Variants in SH3BGRL observed in about 807,000 individuals in gnomAD.
SH3BGRL encodes the protein SH3 domain binding glutamate rich protein like.
Under a neutral mutation model 9.8 loss-of-function variants are expected in SH3BGRL, and 7 were observed. That is an observed-to-expected ratio of 0.72 (90% CI 0.41 to 1.35). SH3BGRL has a LOEUF of 1.35. Ranked by LOEUF, SH3BGRL falls within the 40% of genes most tolerant of loss-of-function variation. The pLI, the probability that SH3BGRL is intolerant of heterozygous loss-of-function variation, is 0.01. For missense variants in SH3BGRL, 73 were observed against 84.4 expected (o/e 0.86, Z 0.53); for synonymous variants, 36 against 29.1 (o/e 1.24, Z -0.76).
rs369813582 is a variant in SH3BGRL at position 81,202,161 on chromosome X, C to A, written c.-40C>A. On this transcript the variant is annotated 5_prime_UTR_variant, in exon 1 of 4. Transcript: ENST00000373212. ...GCCATTGCTGCAGCTGCTCCACAGCCCTTTTCAGGACCCAAACAACCGCAG... is the reference window on the plus strand; with the variant it reads ...GCCATTGCTGCAGCTGCTCCACAGCACTTTTCAGGACCCAAACAACCGCAG... 68 of 1,186,950 alleles carry A rather than the reference C, an allele frequency of 5.7e-5. No homozygotes were observed. The highest frequency in any genetic ancestry group is 2.4e-4 in the Admixed American group (11 of 45,496).
chrX:81,256,450 A>G (rs929432562), intron 1 of SH3BGRL, among the ~76,000 whole-genome samples: 1 of 111,900 alleles, frequency 8.9e-6, no homozygotes, highest in Non-Finnish European at 1.9e-5. Context: ...TTATCAAGAT[A>G]TAATTTCTTA....
At chrX:81,235,462 C>G (rs2075645121) in intron 1 of SH3BGRL, among the ~76,000 whole-genome samples, 1 of 109,915 alleles carries the variant, frequency 9.1e-6, no homozygotes, top group South Asian at 3.9e-4. Context: ...CCTCAGTTGA[C>G]AAAAGTAGAA....
At chrX:81,222,654 G>A (rs1345247042) in intron 1 of SH3BGRL, among the ~76,000 whole-genome samples, 2 of 111,090 alleles carry the variant, frequency 1.8e-5, no homozygotes, top group African/African-American at 6.6e-5. Flanking sequence ...TGTCTTTATA[G>A]CAGCATATTT....
At position 81,292,896 on chromosome X, in the gene SH3BGRL, A is replaced by G. The variant is rs530768973; in HGVS notation, c.313-4299A>G. Among the ~76,000 whole-genome samples, 22 of 111,721 alleles carry G rather than the reference A, an allele frequency of 2.0e-4. No individual in the cohort carries two copies. The South Asian group carries it at 8.5e-3, about 43-fold the overall frequency. On this transcript the variant is annotated intron_variant, in intron 3 of 3. Coordinates refer to ENST00000373212, the MANE Select transcript of SH3BGRL (RefSeq NM_003022.3). ...TGTCTTGGGCCACACATAAAATACAATGACACTAGTGATAGCTGATGAACT... is the reference window on the plus strand; with the variant it reads ...TGTCTTGGGCCACACATAAAATACAGTGACACTAGTGATAGCTGATGAACT...
intron 1 of SH3BGRL, among the ~76,000 whole-genome samples, chrX:81,257,367 G>A (rs1452320266): frequency 8.9e-6 from 1 of 111,940 alleles, no homozygotes; most frequent in African/African-American, 3.2e-5. Flanking sequence ...TTTCTATGCT[G>A]TGTAACAAAT....
intron 1 of SH3BGRL, among the ~76,000 whole-genome samples, chrX:81,216,699 T>C (rs2075582277): frequency 9.0e-6 from 1 of 111,564 alleles, no homozygotes; most frequent in Admixed American, 9.6e-5. Context: ...GCAAAGTTTG[T>C]CCTTCTGTGC....
chrX:81,274,722 A>G (rs2075792669), intron 1 of SH3BGRL, among the ~76,000 whole-genome samples: 1 of 109,651 alleles, frequency 9.1e-6, no homozygotes, highest in Admixed American at 9.7e-5. Flanking sequence ...CCTATCTTGG[A>G]AAAAAAAAAT....
In SH3BGRL at chrX:81,294,547, T is replaced by A. The variant is rs186430088; in HGVS notation, c.313-2648T>A. Among the ~76,000 whole-genome samples the A allele has an allele frequency of 8.5e-4, 93 of 110,018 alleles. 1 individual carries two copies. Among genetic ancestry groups the A allele is most frequent in the African/African-American group, 3.0e-3 (91 of 30,250 alleles). On this transcript the variant is annotated intron_variant, in intron 3 of 3. Coordinates refer to ENST00000373212, the MANE Select transcript of SH3BGRL (RefSeq NM_003022.3). ...GAGGATGTATGGAAATGCCTCGATA[T>A]CCAAGCAGAAGTTTGCTGCAGAGGT...
At chrX:81,273,179 T>C (rs1431559913) in intron 1 of SH3BGRL, among the ~76,000 whole-genome samples, 1 of 112,080 alleles carries the variant, frequency 8.9e-6, no homozygotes, top group Non-Finnish European at 1.9e-5. Flanking sequence ...CTATAGATTG[T>C]ATGCAATATA....
At chrX:81,225,283 T>C (rs183456098) in intron 1 of SH3BGRL, among the ~76,000 whole-genome samples, 3 of 111,435 alleles carry the variant, frequency 2.7e-5, no homozygotes, top group African/African-American at 9.7e-5. Flanking sequence ...TATATTTTCT[T>C]TTTAATTTTT....
intron 1 of SH3BGRL, among the ~76,000 whole-genome samples, chrX:81,203,755 A>G (rs754577534): frequency 1.8e-5 from 2 of 112,206 alleles, no homozygotes; most frequent in East Asian, 5.6e-4. Flanking sequence ...AGTAGATTCA[A>G]CAAGAAACTG....
chrX:81,238,597 A>G (rs1490389413), intron 1 of SH3BGRL, among the ~76,000 whole-genome samples: 1 of 111,821 alleles, frequency 8.9e-6, no homozygotes, highest in Non-Finnish European at 1.9e-5. Context: ...AACACAGGCC[A>G]GGCTGGTTTT....
At position 81,274,372 on chromosome X, in the gene SH3BGRL, G is replaced by A. The variant is rs186169374; in HGVS notation, c.46-2612G>A. Among the ~76,000 whole-genome samples, 5 of 111,087 alleles carry A rather than the reference G, an allele frequency of 4.5e-5. No individual in the cohort carries two copies. In the Admixed American group the frequency reaches 4.8e-4, roughly 11 times the overall value. ...TCATGCCTGTAATCCCAGCACTTTG[G>A]GAGGCCAAGTTGGACAGATCATGAG... On this transcript the variant is annotated intron_variant, in intron 1 of 3. Transcript: ENST00000373212.
At chrX:81,254,878 A>C (rs977292360) in intron 1 of SH3BGRL, among the ~76,000 whole-genome samples, 5 of 108,578 alleles carry the variant, frequency 4.6e-5, no homozygotes. Context: ...GATTCTTACA[A>C]CTTCTTTCTT....
At chrX:81,274,899 C>T (rs1370993728) in intron 1 of SH3BGRL, among the ~76,000 whole-genome samples, 2 of 111,156 alleles carry the variant, frequency 1.8e-5, no homozygotes, top group Admixed American at 9.6e-5. Flanking sequence ...GTGATTATGG[C>T]CAATTCTGTT....
intron 1 of SH3BGRL, among the ~76,000 whole-genome samples, chrX:81,267,852 T>C (rs2075763229): frequency 8.9e-6 from 1 of 111,885 alleles, no homozygotes; most frequent in African/African-American, 3.3e-5. Flanking sequence ...TCCTGGACTT[T>C]TTTTGGGTGC....
chrX:81,255,837 G>T (rs1280399890), intron 1 of SH3BGRL, among the ~76,000 whole-genome samples: 3 of 112,239 alleles, frequency 2.7e-5, no homozygotes, highest in Non-Finnish European at 5.6e-5. Flanking sequence ...GAGAAAATTT[G>T]GTTCTAACAA....
chrX:81,276,869 A>T (rs2075799865), intron 1 of SH3BGRL, 115 bp from the exon 2 acceptor site: 1 of 603,039 alleles, frequency 1.7e-6, no homozygotes, highest in Non-Finnish European at 2.5e-6. Context: ...AGTGAAAATC[A>T]TATAACTTCT....
intron 1 of SH3BGRL, among the ~76,000 whole-genome samples, chrX:81,225,614 C>T (rs931292686): frequency 2.2e-4 from 24 of 111,396 alleles, no homozygotes; most frequent in African/African-American, 7.8e-4. Context: ...AAGTAGTATT[C>T]CATGGTGTAT....
Sources: allele counts gnomAD v4.1 joint callset (sites outside exome capture counted in the v4.1 genomes callset), GRCh38; gene constraint gnomAD v4.1.1; transcripts MANE v1.5; gene names NCBI Gene and HGNC (gene_info 2026-07-23, HGNC 2026-07-21).